MOGAT1: variants seen among roughly 807,000 people sequenced by gnomAD.
The protein encoded by MOGAT1 is 2-acylglycerol O-acyltransferase 1.
In MOGAT1, 32 loss-of-function variants were observed where a neutral mutation model predicts 31.4. The ratio of observed to expected loss-of-function variants is 1.02; its 90% confidence interval spans 0.77 to 1.37. MOGAT1 has a LOEUF of 1.37. Among genes scored for constraint, MOGAT1 ranks in the 40% most tolerant of loss-of-function variants. The pLI is 0.00. For missense variants in MOGAT1, 426 were observed against 402.0 expected (o/e 1.06, Z -0.51); for synonymous variants, 145 against 144.5 (o/e 1.00, Z -0.03).
At chr2:222,689,791 A>C (rs1692730773) in intron 3 of MOGAT1, among the ~76,000 whole-genome samples, 2 of 152,254 alleles carry the variant, frequency 1.3e-5, no homozygotes, top group African/African-American at 2.4e-5. Context: ...TAGAAAAAGA[A>C]ATCAGGGATC....
chr2:222,671,766 C>G lies in MOGAT1; in HGVS notation c.-20C>G. On this transcript the variant is annotated 5_prime_UTR_variant, in exon 1 of 6. Transcript: ENST00000446656. ...GGGTGCAGGCTGCAGTGGCTGGCGC[C>G]GTCCTCGCCCGGCCAGGCCATGAAG... is the stretch of plus-strand genomic sequence containing the variant. 1 of 1,545,938 alleles carries G rather than the reference C, an allele frequency of 6.5e-7. No homozygotes were observed. Among genetic ancestry groups the G allele is most frequent in the Non-Finnish European group, 8.7e-7 (1 of 1,143,800 alleles).
intron 5 of MOGAT1, among the ~76,000 whole-genome samples, chr2:222,697,001 T>C (rs1237501103): frequency 6.6e-6 from 1 of 152,030 alleles, no homozygotes; most frequent in Non-Finnish European, 1.5e-5. Context: ...GATTGTGCCA[T>C]GACACTATAG....
chr2:222,706,081 G>C (rs1053130749), intron 5 of MOGAT1, among the ~76,000 whole-genome samples: 7 of 152,136 alleles, frequency 4.6e-5, no homozygotes, highest in Non-Finnish European at 1.0e-4. Context: ...TTTGAGTATA[G>C]TTTAGGAACT....
intron 1 of MOGAT1, among the ~76,000 whole-genome samples, chr2:222,672,587 G>T (rs932807199): frequency 1.6e-4 from 25 of 152,126 alleles, no homozygotes; most frequent in African/African-American, 5.8e-4. Context: ...CTTCATATTT[G>T]TTCTGCTCTT....
At chr2:222,683,593 T>G (rs1169489196) in intron 1 of MOGAT1, among the ~76,000 whole-genome samples, 1 of 152,010 alleles carries the variant, frequency 6.6e-6, no homozygotes, top group Non-Finnish European at 1.5e-5. Flanking sequence ...CCAGCCATAG[T>G]GGCACGTGCC....
chr2:222,672,976 C>T (rs1574967410), intron 1 of MOGAT1, among the ~76,000 whole-genome samples: 1 of 150,544 alleles, frequency 6.6e-6, no homozygotes, highest in Non-Finnish European at 1.5e-5. Flanking sequence ...TGCAGTGGCG[C>T]CATCTCGGCT....
chr2:222,682,747 T>A (rs932598758), intron 1 of MOGAT1, among the ~76,000 whole-genome samples: 10 of 152,172 alleles, frequency 6.6e-5, no homozygotes, highest in African/African-American at 2.4e-4. Context: ...TGTTCGGCTA[T>A]AAAAAGGAAT....
chr2:222,671,849 C>T lies in MOGAT1; in HGVS notation c.64C>T (p.Leu22=). The part of the protein sequence containing the change: ...LARRLQTVAV[L]QWVLKYLLLG... ...GCGGCGGCTGCAGACGGTGGCCGTGCTGCAGTGGGTCCTGAAATACCTGCT... is the reference window on the plus strand; with the variant it reads ...GCGGCGGCTGCAGACGGTGGCCGTGTTGCAGTGGGTCCTGAAATACCTGCT... The change falls in exon 1 of 6, where the codon CTG becomes TTG. Residue 22 remains leucine, a synonymous_variant. Coordinates refer to ENST00000446656, the MANE Select transcript of MOGAT1 (RefSeq NM_058165.3). 6.4e-7 allele frequency: 1 copy of T among 1,552,522 alleles called. No homozygotes were observed. Among genetic ancestry groups the T allele is most frequent in the Non-Finnish European group, 8.7e-7 (1 of 1,147,802 alleles).
At chr2:222,693,448 GTTTTTTT>G (rs11331017) in intron 3 of MOGAT1, among the ~76,000 whole-genome samples, 177 of 116,198 alleles carry the variant, frequency 1.5e-3, no homozygotes, top group African/African-American at 4.9e-3. Flanking sequence ...CAAATGTCTT[GTTTTTTT>G]TTTTTTTTTT....
At chr2:222,699,481 G>A (rs1167777519) in intron 5 of MOGAT1, 3 of 145,518 alleles carry the variant, frequency 2.1e-5, no homozygotes, top group Non-Finnish European at 4.5e-5. Context: ...GACCTGTTGG[G>A]AGATATTTCT....
At chr2:222,704,866 A>G (rs969564020) in intron 5 of MOGAT1, among the ~76,000 whole-genome samples, 3 of 152,104 alleles carry the variant, frequency 2.0e-5, no homozygotes, top group Non-Finnish European at 4.4e-5. Context: ...GTTGGGCCTA[A>G]GGGATTAGGG....
chr2:222,673,034 C>T (rs185843685), intron 1 of MOGAT1, among the ~76,000 whole-genome samples: 44 of 151,852 alleles, frequency 2.9e-4, no homozygotes, highest in Non-Finnish European at 1.0e-4. Context: ...CTGCCTCAGC[C>T]TGCCGAGTAG....
intron 3 of MOGAT1, among the ~76,000 whole-genome samples, chr2:222,691,269 G>A (rs1692757509): frequency 6.6e-6 from 1 of 151,834 alleles, no homozygotes; most frequent in Non-Finnish European, 1.5e-5. Flanking sequence ...GTGCAATGGC[G>A]TGATCTTGGC....
intron 3 of MOGAT1, among the ~76,000 whole-genome samples, chr2:222,691,960 T>C (rs1692769226): frequency 6.6e-6 from 1 of 152,260 alleles, no homozygotes; most frequent in Admixed American, 6.5e-5. Context: ...TACTTCTTTC[T>C]GTTTACCCCT....
intron 1 of MOGAT1, 56 bp downstream of exon 1, chr2:222,671,935 C>G (rs181551473): frequency 2.9e-6 from 4 of 1,398,448 alleles, no homozygotes; most frequent in Admixed American, 2.0e-5. Flanking sequence ...TCCCTCGGGA[C>G]GGTCCGGATT....
intron 3 of MOGAT1, among the ~76,000 whole-genome samples, chr2:222,691,497 C>T (rs925687913): frequency 5.3e-5 from 8 of 152,238 alleles, no homozygotes; most frequent in Admixed American, 2.0e-4. Context: ...GCATGCACCA[C>T]TGCGCCCAGC....
rs1195830628 is a variant in MOGAT1, at chr2:222,701,551, AAG to A, written c.853+6265_853+6266del. ...AAAGAAAGAGAAAGAAAAAAGAAAA[AAG>A]AAAGAAAGAGAAAGAAAGAAAAGAA... On this transcript the variant is annotated intron_variant, in intron 5 of 5. Transcript: ENST00000446656. Among the ~76,000 whole-genome samples the A allele has an allele frequency of 4.9e-3, 716 of 146,184 alleles. 8 individuals are homozygous for A. Among genetic ancestry groups the A allele is most frequent in the African/African-American group, 0.018 (679 of 37,664 alleles).
At chr2:222,672,266 T>C (rs1692428721) in intron 1 of MOGAT1, among the ~76,000 whole-genome samples, 1 of 152,230 alleles carries the variant, frequency 6.6e-6, no homozygotes. Flanking sequence ...TGTTGATTCA[T>C]AGATGGCAAA....
In MOGAT1 at chr2:222,688,324, G is replaced by C. The variant is rs1692706855; in HGVS notation, c.95-20G>C. The C allele has an allele frequency of 3.8e-6, 6 of 1,589,376 alleles. No individual in the cohort carries two copies. Among genetic ancestry groups the C allele is most frequent in the Non-Finnish European group, 5.1e-6 (6 of 1,167,112 alleles). On this transcript the variant is annotated intron_variant, in intron 1 of 5. Coordinates refer to ENST00000446656, the MANE Select transcript of MOGAT1 (RefSeq NM_058165.3). ...AGATACTAACAGACTGATTCCATGA[G>C]ACTTTTTCTTTTCTTACAGGGCCGA...
Sources: gnomAD v4.1 joint callset for allele counts (sites outside exome capture counted in the v4.1 genomes callset) on GRCh38, gnomAD v4.1.1 for gene constraint, MANE v1.5 for transcripts, NCBI Gene and HGNC (gene_info 2026-07-23, HGNC 2026-07-21) for gene names.